Variants in CRYM observed in about 807,000 individuals in gnomAD.
CRYM encodes ketimine reductase mu-crystallin.
A neutral mutation model predicts 32.9 loss-of-function variants in CRYM; 18 were observed. That is an observed-to-expected ratio of 0.55 (90% CI 0.38 to 0.81). CRYM has a LOEUF of 0.81. Among genes scored for constraint, CRYM ranks in the 30% least tolerant of loss-of-function variants. The probability of loss-of-function intolerance (pLI) is 0.00; values close to 1 mark genes in which losing one functional copy is unlikely to be tolerated. For synonymous variants in CRYM, 153 were observed against 152.4 expected (o/e 1.00, Z -0.03); for missense variants, 337 against 393.5 (o/e 0.86, Z 1.21).
chr16:21,262,246 G>A, intron 5 of CRYM, 88 bp from the exon 6 acceptor site: 1 of 1,557,160 alleles, frequency 6.4e-7, no homozygotes, highest in Non-Finnish European at 8.8e-7. Flanking sequence ...GTGAACAAAG[G>A]ACTCGTGAAC....
chr16:21,261,150 A>T, intron 7 of CRYM, 104 bp downstream of exon 7: 1 of 872,182 alleles, frequency 1.1e-6, no homozygotes, highest in South Asian at 1.4e-5. Flanking sequence ...GATGGAGCAC[A>T]ATGATTCAGC....
Position 21,270,001 on chromosome 16 carries a change from C to T in CRYM, c.388-110G>A, listed in dbSNP as rs982906103. On this transcript the variant is annotated intron_variant, in intron 3 of 7. Coordinates refer to ENST00000572914, the MANE Select transcript of CRYM (RefSeq NM_001376256.1). ...CTTCTGCCCTCTCTTCTGCCTCCCT[C>T]AAGAGCTTGCAGGCAATCAAGAGAA... 6 of 748,876 alleles carry T rather than the reference C, an allele frequency of 8.0e-6. No individual in the cohort carries two copies. The African/African-American group carries it at 1.0e-4, about 13-fold the overall frequency. The allele number at this position is 748,876 out of a possible 1,614,324, so 46.4% of individuals were successfully genotyped here.
intron 5 of CRYM, 130 bp downstream of exon 5, chr16:21,267,424 G>T: frequency 1.0e-6 from 1 of 974,910 alleles, no homozygotes; most frequent in Non-Finnish European, 1.6e-6. Flanking sequence ...AATCTCACAT[G>T]TTTTCAAGGC....
intron 1 of CRYM, among the ~76,000 whole-genome samples, chr16:21,289,028 AT>A (rs1186853559): frequency 6.6e-6 from 1 of 151,972 alleles, no homozygotes; most frequent in Non-Finnish European, 1.5e-5. Context: ...GTCCTGGATA[AT>A]TTTTTTATGT....
chr16:21,269,615 C>T (rs2093370817), intron 4 of CRYM, among the ~76,000 whole-genome samples, 175 bp downstream of exon 4: 1 of 152,220 alleles, frequency 6.6e-6, no homozygotes, highest in Admixed American at 6.5e-5. Flanking sequence ...TCCCCTGACT[C>T]TTATCCTCCA....
chr16:21,290,502 G>T (rs572364191), intron 1 of CRYM, among the ~76,000 whole-genome samples: 2 of 152,278 alleles, frequency 1.3e-5, no homozygotes, highest in South Asian at 2.1e-4. Context: ...TCACCGCAAG[G>T]GTCCGTGGCT....
chr16:21,268,719 G>T (rs2093369007), intron 4 of CRYM: 1 of 152,112 alleles, frequency 6.6e-6, no homozygotes, highest in Non-Finnish European at 1.5e-5. Context: ...AGTAAGAGAG[G>T]ATATAAAATG....
chr16:21,266,986 G>A (rs1043277767), intron 5 of CRYM, among the ~76,000 whole-genome samples: 2 of 151,920 alleles, frequency 1.3e-5, no homozygotes, highest in East Asian at 1.9e-4. Flanking sequence ...CAGCCTGAGC[G>A]ACAGAGTGAG....
Position 21,261,307 on chromosome 16 carries a change from A to G in CRYM, c.827T>C (p.Ile276Thr), listed in dbSNP as rs1281719181. 6.2e-7 allele frequency: 1 copy of G among 1,614,070 alleles called. No individual in the cohort carries two copies. The highest frequency in any genetic ancestry group is 1.1e-5 in the South Asian group (1 of 91,066). ...AEIFAELGEV[I>T]KGVKPAHCEK... ...ACAGTGGGCTGGTTTCACTCCCTTAATCACTTCTCCCAGCTCAGCAAAGAT... is the reference window on the plus strand; with the variant it reads ...ACAGTGGGCTGGTTTCACTCCCTTAGTCACTTCTCCCAGCTCAGCAAAGAT... Residue 276 changes from isoleucine to threonine, a missense_variant, in exon 7 of 8, where the codon ATT becomes ACT. Coordinates refer to ENST00000572914, the MANE Select transcript of CRYM (RefSeq NM_001376256.1).
upstream of CRYM, among the ~76,000 whole-genome samples, chr16:21,280,559 CT>C (rs558532698): frequency 2.0e-4 from 31 of 152,232 alleles, no homozygotes; most frequent in Non-Finnish European, 4.3e-4. Flanking sequence ...TTAGACACAA[CT>C]GAGCAGCCTT....
At chr16:21,265,688 A>G (rs2093362558) in intron 5 of CRYM, among the ~76,000 whole-genome samples, 1 of 152,236 alleles carries the variant, frequency 6.6e-6, no homozygotes, top group Non-Finnish European at 1.5e-5. Flanking sequence ...ATGCGTCATC[A>G]TTTGACTTGG....
chr16:21,291,014 A>C (rs947066709), intron 1 of CRYM, among the ~76,000 whole-genome samples: 18 of 152,230 alleles, frequency 1.2e-4, no homozygotes, highest in Admixed American at 3.9e-4. Flanking sequence ...CTATGTTTCA[A>C]GAAATCAGGG....
intron 1 of CRYM, among the ~76,000 whole-genome samples, chr16:21,301,822 G>A (rs1305950292): frequency 6.6e-6 from 1 of 152,176 alleles, no homozygotes; most frequent in African/African-American, 2.4e-5. Context: ...TTGGGAGGAG[G>A]AGTCCCGCCG....
chr16:21,280,258 T>A (rs2093395927), upstream of CRYM, among the ~76,000 whole-genome samples: 1 of 152,112 alleles, frequency 6.6e-6, no homozygotes, highest in African/African-American at 2.4e-5. Flanking sequence ...CGGGTGCCTG[T>A]AATCCCAGCT....
intron 1 of CRYM, among the ~76,000 whole-genome samples, chr16:21,292,951 CATGG>C (rs914006411): frequency 2.6e-5 from 4 of 151,078 alleles, no homozygotes; most frequent in East Asian, 1.9e-4. Context: ...AAGATAAATG[CATGG>C]ATGGATGGAT....
chr16:21,281,125 T>A (rs2093397329), upstream of CRYM, among the ~76,000 whole-genome samples: 1 of 133,774 alleles, frequency 7.5e-6, no homozygotes, highest in Non-Finnish European at 1.6e-5. Flanking sequence ...TCTCTCTCTC[T>A]CTCTCTCTCT....
At chr16:21,290,439 C>A (rs987184650) in intron 1 of CRYM, among the ~76,000 whole-genome samples, 1 of 152,132 alleles carries the variant, frequency 6.6e-6, no homozygotes, top group South Asian at 2.1e-4. Context: ...CGGGACACAT[C>A]TGAACATCTG....
At chr16:21,290,278 T>C (rs765806884) in intron 1 of CRYM, among the ~76,000 whole-genome samples, 6 of 152,214 alleles carry the variant, frequency 3.9e-5, no homozygotes, top group African/African-American at 1.4e-4. Context: ...GGTTGTAGGC[T>C]TCATTCCTTA....
chr16:21,296,324 G>A (rs1297139191), intron 1 of CRYM, among the ~76,000 whole-genome samples: 1 of 152,164 alleles, frequency 6.6e-6, no homozygotes, highest in Non-Finnish European at 1.5e-5. Flanking sequence ...GATTGGAAAA[G>A]AGAAAAATAG....
Sources: allele counts gnomAD v4.1 joint callset (sites outside exome capture counted in the v4.1 genomes callset), GRCh38; gene constraint gnomAD v4.1.1; transcripts MANE v1.5; gene names NCBI Gene and HGNC (gene_info 2026-07-23, HGNC 2026-07-21).